Variants in COL17A1 observed in about 807,000 individuals in gnomAD.
COL17A1 encodes the protein collagen type XVII alpha 1 chain.
In COL17A1, 181 loss-of-function variants were observed where a neutral mutation model predicts 218.4. The observed-to-expected ratio is 0.83, with a 90% confidence interval of 0.73 to 0.94. The LOEUF is 0.94. COL17A1 is among the 40% of genes least tolerant of loss of function. The pLI, the probability that COL17A1 is intolerant of heterozygous loss-of-function variation, is 0.00. For missense variants in COL17A1, 1,924 were observed against 1,945.9 expected (o/e 0.99, Z 0.21); for synonymous variants, 721 against 731.0 (o/e 0.99, Z 0.22).
intron 48 of COL17A1, 44 bp from the exon 49 acceptor site, chr10:104,035,607 G>A (rs748688531): frequency 2.0e-6 from 3 of 1,483,270 alleles, no homozygotes; most frequent in East Asian, 2.3e-5. Context: ...GAGGCAGATG[G>A]AAACACCTGT....
chr10:104,034,013 A>C lies in COL17A1; in HGVS notation c.4088T>G (p.Leu1363Trp), dbSNP rs776889999. The change falls in exon 52 of 56, where the codon TTG becomes TGG. Residue 1363 changes from leucine (L) to tryptophan (W), a missense_variant. Leu to Trp is a moderately conservative substitution (Grantham distance 61, BLOSUM62 -2). Transcript: ENST00000648076. ...CAGATCTCCAGCAAAGTCAGCTCCC[A>C]ATAGTCCGCCATTGCCAGCATACAT... ...GGMYAGNGGL[L>W]GADFAGDLDY... 1 of 1,614,170 alleles carries C rather than the reference A, an allele frequency of 6.2e-7. No individual in the cohort carries two copies. The highest frequency in any genetic ancestry group is 1.7e-5 in the Admixed American group (1 of 60,032).
chr10:104,071,617 G>C (rs535662737), intron 8 of COL17A1, among the ~76,000 whole-genome samples: 1 of 151,862 alleles, frequency 6.6e-6, no homozygotes, highest in African/African-American at 2.4e-5. Flanking sequence ...CTGTTCCTTC[G>C]ATGCCTCATG....
At chr10:104,037,995 C>T (rs771732825) in intron 45 of COL17A1, among the ~76,000 whole-genome samples, 13 of 152,188 alleles carry the variant, frequency 8.5e-5, no homozygotes, top group Non-Finnish European at 8.8e-5. Flanking sequence ...CCCATGAGGG[C>T]TGTGGGCCAG....
intron 32 of COL17A1, 25 bp downstream of exon 32, chr10:104,046,722 A>T (rs1210460559): frequency 6.2e-7 from 1 of 1,613,016 alleles, no homozygotes; most frequent in Non-Finnish European, 8.5e-7. Context: ...GGGAGACAGC[A>T]GGTGGGAATG....
Position 104,032,673 on chromosome 10 carries a change from C to A in COL17A1, c.4438+1G>T, listed in dbSNP as rs201337081. ...CAAAACGTGGAGCAGTCAACACTTA[C>A]CTTTGTCTCCTTTTTCTCCCTTGTG... On this transcript the variant is annotated splice_donor_variant, in intron 55 of 55. Coordinates refer to ENST00000648076, the MANE Select transcript of COL17A1 (RefSeq NM_000494.4). LOFTEE classifies it high-confidence loss of function. The A allele has an allele frequency of 3.8e-5, 61 of 1,613,858 alleles. No individual in the cohort carries two copies. The highest frequency in any genetic ancestry group is 5.1e-5 in the Non-Finnish European group (60 of 1,179,898).
At chr10:104,034,837 C>G in intron 50 of COL17A1, 70 bp from the exon 51 acceptor site, 4 of 1,578,428 alleles carry the variant, frequency 2.5e-6, no homozygotes, top group Admixed American at 3.7e-5. Context: ...AGCCTGTGCT[C>G]GGGGCGCTGT....
intron 25 of COL17A1, 26 bp downstream of exon 25, chr10:104,051,455 C>A: frequency 6.2e-7 from 1 of 1,613,908 alleles, no homozygotes; most frequent in Non-Finnish European, 8.5e-7. Context: ...GAAACAGAAC[C>A]TATTTACAAG....
In COL17A1 at chr10:104,034,867, G is replaced by A. The variant is rs1046589421; in HGVS notation, c.3620-100C>T. 5 of 1,491,812 alleles carry A rather than the reference G, an allele frequency of 3.4e-6. No individual in the cohort carries two copies. In the African/African-American group the frequency reaches 4.1e-5, roughly 12 times the overall value. 92.4% of individuals were successfully genotyped at this position (1,491,812 alleles called of 1,614,324 possible). ...CGCTGTGGGCCCCACCTGAAAGGAG[G>A]GGATGAGGCTGGGCCTCCCGGGTGA... On this transcript the variant is annotated intron_variant, in intron 50 of 55. Transcript: ENST00000648076.
At chr10:104,049,794 T>C (rs776206349) in intron 28 of COL17A1, among the ~76,000 whole-genome samples, 2 of 152,228 alleles carry the variant, frequency 1.3e-5, no homozygotes, top group Non-Finnish European at 2.9e-5. Flanking sequence ...GTGCAAACTT[T>C]CTGCTGCTTC....
chr10:104,078,536 A>C lies in COL17A1; in HGVS notation c.97+6T>G, dbSNP rs1305875168. ...TGAAAAGAAAGCTATTGAGGTAGTT[A>C]CTTACTTGGTGGTAAGGATGTAAGT... On this transcript the variant is annotated splice_donor_region_variant and intron_variant, in intron 3 of 55. Transcript: ENST00000648076. 6.2e-7 allele frequency: 1 copy of C among 1,614,072 alleles called. No homozygotes were observed. The highest frequency in any genetic ancestry group is 1.3e-5 in the African/African-American group (1 of 74,938).
chr10:104,073,351 G>T, intron 6 of COL17A1, 106 bp from the exon 7 acceptor site: 3 of 972,584 alleles, frequency 3.1e-6, no homozygotes, highest in Non-Finnish European at 5.0e-6. Flanking sequence ...TTCATAGTGT[G>T]TCTAAATCCA....
intron 15 of COL17A1, among the ~76,000 whole-genome samples, chr10:104,058,761 G>A (rs944718607): frequency 3.3e-5 from 5 of 151,928 alleles, no homozygotes; most frequent in African/African-American, 9.7e-5. Context: ...GTGAAACCCC[G>A]TCTGTACTAA....
At chr10:104,084,202 C>T (rs893728611) in intron 1 of COL17A1, among the ~76,000 whole-genome samples, 7 of 152,114 alleles carry the variant, frequency 4.6e-5, no homozygotes, top group Non-Finnish European at 7.3e-5. Context: ...TTAATAATGG[C>T]AAATGAAACA....
Position 104,032,125 on chromosome 10 carries a change from T to C in COL17A1, c.*110A>G. 1 of 821,328 alleles carries C rather than the reference T, an allele frequency of 1.2e-6. No individual in the cohort carries two copies. Among genetic ancestry groups the C allele is most frequent in the Non-Finnish European group, 2.1e-6 (1 of 473,536 alleles). 50.9% of individuals were successfully genotyped at this position (821,328 alleles called of 1,614,324 possible). On this transcript the variant is annotated 3_prime_UTR_variant, in exon 56 of 56. Coordinates refer to ENST00000648076, the MANE Select transcript of COL17A1 (RefSeq NM_000494.4). ...ATGTTGCTAGCTAGGTTGGCTGTGCTGTCTCAGTAGGACATTGACAGACTC... is the reference window on the plus strand; with the variant it reads ...ATGTTGCTAGCTAGGTTGGCTGTGCCGTCTCAGTAGGACATTGACAGACTC...
chr10:104,032,255 T>C lies in COL17A1; in HGVS notation c.4474A>G (p.Ser1492Gly), dbSNP rs548548309. 25 of 1,613,966 alleles carry C rather than the reference T, an allele frequency of 1.5e-5. No individual in the cohort carries two copies. In the East Asian group the frequency reaches 5.3e-4, roughly 35 times the overall value. Residue 1492 changes from serine (S) to glycine (G), a missense_variant, in exon 56 of 56, where the codon AGT becomes GGT. By Grantham distance (56) the Ser-to-Gly change is moderately conservative. Coordinates refer to ENST00000648076, the MANE Select transcript of COL17A1 (RefSeq NM_000494.4). ...QVYAGRRRRR[S>G]IAVKP ...CTAGCTCACGGCTTGACAGCAATAC[T>C]TCTTCTCCTTCTCCGCCCAGCATAG...
At chr10:104,052,611 GAACCT>G (rs1324498385) in intron 23 of COL17A1, among the ~76,000 whole-genome samples, 3 of 152,154 alleles carry the variant, frequency 2.0e-5, no homozygotes, top group African/African-American at 4.8e-5. Context: ...CTCCAGCACT[GAACCT>G]ATGTCTGGGG....
At chr10:104,060,043 C>A in intron 14 of COL17A1, 76 bp downstream of exon 14, 2 of 1,605,536 alleles carry the variant, frequency 1.2e-6, no homozygotes, top group South Asian at 1.1e-5. Context: ...GGTCCCAAAC[C>A]ACCTTGCTAG....
chr10:104,034,593 G>A (rs770082328), intron 51 of COL17A1, 28 bp downstream of exon 51: 3 of 1,605,428 alleles, frequency 1.9e-6, no homozygotes, highest in Admixed American at 1.7e-5. Flanking sequence ...CGGGGTGCCT[G>A]GTGGGGCATC....
Position 104,043,837 on chromosome 10 carries a change from T to G in COL17A1, c.2422A>C (p.Ile808Leu), listed in dbSNP as rs145636605. ...AGGACCTGCCTACCCGAAGTCACGA[T>G]CTTGCCTGGAGCTCCTGGTTCACCT... ...IKGEPGAPGKIVTSEGSSMLT... is the reference protein window; with the variant it reads ...IKGEPGAPGKLVTSEGSSMLT... The change falls in exon 34 of 56, where the codon ATC becomes CTC. Residue 808 changes from isoleucine to leucine, a missense_variant. Coordinates refer to ENST00000648076, the MANE Select transcript of COL17A1 (RefSeq NM_000494.4). 1.2e-6 allele frequency: 2 copies of G among 1,613,928 alleles called. No homozygotes were observed. The highest frequency in any genetic ancestry group is 1.7e-6 in the Non-Finnish European group (2 of 1,180,032).
Sources: gnomAD v4.1 joint callset for allele counts (sites outside exome capture counted in the v4.1 genomes callset) on GRCh38, gnomAD v4.1.1 for gene constraint, MANE v1.5 for transcripts, NCBI Gene and HGNC (gene_info 2026-07-23, HGNC 2026-07-21) for gene names.